Variants in DCDC1 observed in about 807,000 individuals in gnomAD.
DCDC1 encodes the protein doublecortin domain containing 1.
DCDC1 carries 200 observed loss-of-function variants against 178.3 expected under a neutral mutation model. That is an observed-to-expected ratio of 1.12 (90% CI 1.00 to 1.26). The LOEUF (loss-of-function observed/expected upper bound fraction) is 1.26, where lower values mean the gene tolerates loss of function less well. Ranked by LOEUF, DCDC1 falls within the 50% of genes most tolerant of loss-of-function variation. The pLI, the probability that DCDC1 is intolerant of heterozygous loss-of-function variation, is 0.00. For synonymous variants in DCDC1, 690 were observed against 604.8 expected, an observed-to-expected ratio of 1.14 and a Z score of -2.07; for missense variants, 1,983 against 1,749.2, an observed-to-expected ratio of 1.13 and a Z score of -2.38.
At chr11:31,183,287 A>G (rs1266256825) in intron 9 of DCDC1, among the ~76,000 whole-genome samples, 4 of 152,214 alleles carry the variant, frequency 2.6e-5, no homozygotes, top group Admixed American at 2.6e-4. Context: ...AAATCAACAG[A>G]ATATATATTC....
At chr11:31,196,342 C>T (rs1970692110) in intron 9 of DCDC1, among the ~76,000 whole-genome samples, 1 of 151,992 alleles carries the variant, frequency 6.6e-6, no homozygotes. Flanking sequence ...AATTCTGACA[C>T]TAACTACCTG....
At chr11:30,867,588 G>A (rs1175549973) in intron 38 of DCDC1, among the ~76,000 whole-genome samples, 1 of 152,140 alleles carries the variant, frequency 6.6e-6, no homozygotes, top group East Asian at 1.9e-4. Flanking sequence ...ACTCAAGTCA[G>A]GCCTTTGTCT....
At chr11:31,213,236 CTGGTTGGATATTT>C (rs1973022552) in intron 9 of DCDC1, among the ~76,000 whole-genome samples, 2 of 149,282 alleles carry the variant, frequency 1.3e-5, no homozygotes, top group Non-Finnish European at 3.0e-5. Flanking sequence ...TCACCCCAGT[CTGGTTGGATATTT>C]TCTATTCAGG....
chr11:30,880,864 C>T (rs1942597118), intron 37 of DCDC1, among the ~76,000 whole-genome samples: 1 of 152,130 alleles, frequency 6.6e-6, no homozygotes, highest in Non-Finnish European at 1.5e-5. Context: ...TCACTTTCCT[C>T]AGGGTTCATA....
At chr11:30,940,238 T>G (rs1947544566) in intron 21 of DCDC1, among the ~76,000 whole-genome samples, 1 of 152,152 alleles carries the variant, frequency 6.6e-6, no homozygotes, top group Non-Finnish European at 1.5e-5. Context: ...AGTTCCTTTC[T>G]CAGGAAGCCA....
At chr11:30,865,683 T>C (rs532401955) in intron 38 of DCDC1, among the ~76,000 whole-genome samples, 2 of 152,276 alleles carry the variant, frequency 1.3e-5, no homozygotes, top group Admixed American at 6.5e-5. Context: ...ACAAGCAAGG[T>C]TTAACTAAAA....
chr11:31,108,242 A>G (rs1591070413), intron 12 of DCDC1, among the ~76,000 whole-genome samples: 1 of 152,332 alleles, frequency 6.6e-6, no homozygotes, highest in African/African-American at 2.4e-5. Context: ...TTGGAAAGGC[A>G]TTAATACTTC....
chr11:31,182,422 T>C (rs1338214864), intron 9 of DCDC1, among the ~76,000 whole-genome samples: 1 of 152,184 alleles, frequency 6.6e-6, no homozygotes, highest in Non-Finnish European at 1.5e-5. Flanking sequence ...GGGGCAAATA[T>C]TCAACATTCT....
At chr11:31,264,353 G>A (rs1944998011) in intron 8 of DCDC1, among the ~76,000 whole-genome samples, 1 of 152,058 alleles carries the variant, frequency 6.6e-6, no homozygotes, top group Non-Finnish European at 1.5e-5. Flanking sequence ...AAGTAACAAA[G>A]CAATACAATA....
chr11:30,951,634 T>C (rs558636277), intron 21 of DCDC1, among the ~76,000 whole-genome samples: 7 of 152,154 alleles, frequency 4.6e-5, no homozygotes, highest in Non-Finnish European at 1.0e-4. Flanking sequence ...AATCATATGA[T>C]TGGATTATTT....
At chr11:31,262,874 G>T in intron 8 of DCDC1, 1 of 508,114 alleles carries the variant, frequency 2.0e-6, no homozygotes, top group Non-Finnish European at 3.4e-6. Context: ...TAAGTCCAGT[G>T]AACTTGTAAT....
At chr11:31,331,187 G>C (rs1020880257) in intron 2 of DCDC1, among the ~76,000 whole-genome samples, 2 of 152,050 alleles carry the variant, frequency 1.3e-5, no homozygotes, top group African/African-American at 4.8e-5. Context: ...TTGGCTCTTT[G>C]TTATTGGTGT....
At chr11:31,316,028 G>C (rs1461797222) in intron 3 of DCDC1, among the ~76,000 whole-genome samples, 1 of 71,970 alleles carries the variant, frequency 1.4e-5, no homozygotes, top group Non-Finnish European at 2.5e-5. Context: ...GTGTATATGT[G>C]CCACATTTTC....
Position 31,208,018 on chromosome 11 carries a change from T to C in DCDC1, c.1221+33432A>G, listed in dbSNP as rs558969355. ...CTTCTCAGCTTCCTTAGTTGATCCT[T>C]CTTTTACTCAGCCACTGGACATTGC... On this transcript the variant is annotated intron_variant, in intron 9 of 38. Coordinates refer to ENST00000684477, the MANE Select transcript of DCDC1 (RefSeq NM_001387274.1). Among the ~76,000 whole-genome samples the C allele has an allele frequency of 7.5e-4, 114 of 152,312 alleles. No homozygotes were observed. In the Middle Eastern group the frequency reaches 0.017, roughly 23 times the overall value.
At chr11:31,068,081 T>C (rs1433780040) in intron 18 of DCDC1, among the ~76,000 whole-genome samples, 1 of 152,078 alleles carries the variant, frequency 6.6e-6, no homozygotes, top group African/African-American at 2.4e-5. Context: ...ATATAAAGTA[T>C]AGCTTTAAAC....
chr11:31,264,979 T>C (rs1190560715), intron 8 of DCDC1, among the ~76,000 whole-genome samples: 3 of 152,166 alleles, frequency 2.0e-5, no homozygotes, highest in Non-Finnish European at 4.4e-5. Context: ...ACTTTTTTTT[T>C]CAGACCAATT....
chr11:31,235,144 G>A (rs1436245235), intron 9 of DCDC1, among the ~76,000 whole-genome samples: 1 of 151,976 alleles, frequency 6.6e-6, no homozygotes, highest in Non-Finnish European at 1.5e-5. Flanking sequence ...AAATATAAGT[G>A]GGGATATAAC....
intron 9 of DCDC1, among the ~76,000 whole-genome samples, chr11:31,180,538 A>T (rs181628716): frequency 5.3e-5 from 8 of 152,216 alleles, no homozygotes; most frequent in African/African-American, 1.7e-4. Flanking sequence ...CAGTGGGAGC[A>T]GACCATGGAG....
chr11:31,245,468 A>C (rs1943487839), intron 8 of DCDC1, among the ~76,000 whole-genome samples: 1 of 151,814 alleles, frequency 6.6e-6, no homozygotes, highest in African/African-American at 2.4e-5. Context: ...ATTTGATCTG[A>C]ATTTGTTAAA....
Sources: gnomAD v4.1 joint callset for allele counts (sites outside exome capture counted in the v4.1 genomes callset) on GRCh38, gnomAD v4.1.1 for gene constraint, MANE v1.5 for transcripts, NCBI Gene and HGNC (gene_info 2026-07-23, HGNC 2026-07-21) for gene names.